The following RAD51B variants were observed in gnomAD, a reference collection of about 807,000 sequenced individuals.
The protein encoded by RAD51B is DNA repair protein RAD51 homolog 2.
RAD51B carries 38 observed loss-of-function variants against 42.2 expected under a neutral mutation model. The observed-to-expected ratio is 0.90, with a 90% CI of 0.70 to 1.18. The LOEUF (loss-of-function observed/expected upper bound fraction) is 1.18. Among genes scored for constraint, RAD51B ranks in the 50% most tolerant of loss-of-function variants. The pLI, the probability that RAD51B is intolerant of heterozygous loss-of-function variation, is 0.00. For missense variants in RAD51B, 373 were observed against 400.7 expected, an observed-to-expected ratio of 0.93 and a Z score of 0.59; for synonymous variants, 154 against 145.2, an observed-to-expected ratio of 1.06 and a Z score of -0.43.
In RAD51B at chr14:68,197,315, C is replaced by T. The variant is rs138558038; in HGVS notation, c.757-94569C>T. 6.9e-3 allele frequency among the ~76,000 whole-genome samples: 1,049 copies of T among 152,224 alleles called. 3 individuals are homozygous for T. The highest frequency in any genetic ancestry group is 0.011 in the Non-Finnish European group (726 of 67,986). ...GCACTGATATCTGGCTTCTTTCAGACGGCCTTTCTTTTTAGATTTATCCAT... is the reference window on the plus strand; with the variant it reads ...GCACTGATATCTGGCTTCTTTCAGATGGCCTTTCTTTTTAGATTTATCCAT... On this transcript the variant is annotated intron_variant, in intron 7 of 10. Transcript: ENST00000471583.
intron 4 of RAD51B, among the ~76,000 whole-genome samples, chr14:67,846,302 T>A (rs567099289): frequency 6.6e-6 from 1 of 152,096 alleles, no homozygotes; most frequent in Non-Finnish European, 1.5e-5. Context: ...GGTGGCAGTG[T>A]GGGGGGTGGC....
At chr14:67,865,398 G>A (rs1763086764) in intron 5 of RAD51B, among the ~76,000 whole-genome samples, 1 of 151,234 alleles carries the variant, frequency 6.6e-6, no homozygotes, top group Non-Finnish European at 1.5e-5. Context: ...CACCACACCT[G>A]GCTAATTATT....
downstream of RAD51B, among the ~76,000 whole-genome samples, chr14:68,481,898 A>G (rs1347365565): frequency 1.3e-5 from 2 of 152,162 alleles, no homozygotes; most frequent in Non-Finnish European, 2.9e-5. Flanking sequence ...TTGATCTTCT[A>G]CTCTGAGCAG....
At chr14:68,508,128 T>C (rs938000197) in intron 10 of RAD51B, among the ~76,000 whole-genome samples, 1 of 152,168 alleles carries the variant, frequency 6.6e-6, no homozygotes, top group South Asian at 2.1e-4. Flanking sequence ...AAGATGCTGA[T>C]GGGGTCATTT....
At chr14:68,170,396 G>A (rs1417611783) in intron 7 of RAD51B, among the ~76,000 whole-genome samples, 4 of 152,192 alleles carry the variant, frequency 2.6e-5, no homozygotes, top group African/African-American at 4.8e-5. Flanking sequence ...AGGAGAGAAT[G>A]AAAGATTGGG....
At chr14:68,073,090 C>T (rs72725185) in intron 7 of RAD51B, among the ~76,000 whole-genome samples, 25,517 of 152,030 alleles carry the variant, frequency 0.17, 2,326 homozygotes, top group Middle Eastern at 0.34. Context: ...TATTCTGCCT[C>T]GATGGTTTGT....
intron 9 of RAD51B, among the ~76,000 whole-genome samples, chr14:68,432,031 G>A (rs1404733538): frequency 1.3e-5 from 2 of 152,180 alleles, no homozygotes; most frequent in East Asian, 1.9e-4. Flanking sequence ...TCAGCAGCAG[G>A]TTGTTCAGTT....
intron 7 of RAD51B, among the ~76,000 whole-genome samples, chr14:68,017,908 T>C (rs1380615029): frequency 2.6e-5 from 4 of 151,930 alleles, no homozygotes; most frequent in Non-Finnish European, 5.9e-5. Flanking sequence ...GAGGCGGAGA[T>C]TGCAGTGAGC....
intron 7 of RAD51B, among the ~76,000 whole-genome samples, chr14:67,949,485 A>C (rs2074402491): frequency 6.6e-6 from 1 of 152,140 alleles, no homozygotes; most frequent in African/African-American, 2.4e-5. Flanking sequence ...TTCTAATTTG[A>C]GTTCTCTTGC....
intron 9 of RAD51B, among the ~76,000 whole-genome samples, chr14:68,463,142 C>T (rs1266819727): frequency 6.6e-6 from 1 of 152,130 alleles, no homozygotes; most frequent in African/African-American, 2.4e-5. Context: ...ACATCTGAAC[C>T]AGCACAGCCT....
intron 7 of RAD51B, among the ~76,000 whole-genome samples, chr14:68,206,943 A>G (rs1159506522): frequency 6.6e-6 from 1 of 151,848 alleles, no homozygotes; most frequent in Non-Finnish European, 1.5e-5. Context: ...GCGCCCGCCA[A>G]CGCGCCCGGC....
chr14:67,823,304 T>G (rs1465751390), intron 1 of RAD51B, among the ~76,000 whole-genome samples: 1 of 152,234 alleles, frequency 6.6e-6, no homozygotes, highest in Non-Finnish European at 1.5e-5. Context: ...ATATTTGAGG[T>G]TGCCTTGTAG....
intron 10 of RAD51B, among the ~76,000 whole-genome samples, chr14:68,643,012 A>G (rs1036116614): frequency 1.0e-5 from 1 of 96,958 alleles, no homozygotes; most frequent in Non-Finnish European, 2.4e-5. Context: ...TTCATGGCCC[A>G]TGGTCTGTCT....
At chr14:68,571,955 A>C (rs779481489) in intron 10 of RAD51B, among the ~76,000 whole-genome samples, 2 of 152,184 alleles carry the variant, frequency 1.3e-5, no homozygotes, top group African/African-American at 2.4e-5. Flanking sequence ...CAGAAAGTGG[A>C]CATCGATTTT....
At chr14:68,227,311 C>T (rs1001142076) in intron 7 of RAD51B, among the ~76,000 whole-genome samples, 2 of 152,176 alleles carry the variant, frequency 1.3e-5, no homozygotes, top group Non-Finnish European at 2.9e-5. Flanking sequence ...TTCCAACTCC[C>T]ACAACTGCAC....
chr14:68,273,866 A>G (rs1301335314), intron 7 of RAD51B, among the ~76,000 whole-genome samples: 2 of 152,056 alleles, frequency 1.3e-5, no homozygotes, highest in Non-Finnish European at 2.9e-5. Flanking sequence ...TTTATATAAA[A>G]TTTTTTAGCT....
At chr14:67,966,982 T>C (rs1436259736) in intron 7 of RAD51B, among the ~76,000 whole-genome samples, 1 of 152,150 alleles carries the variant, frequency 6.6e-6, no homozygotes, top group Non-Finnish European at 1.5e-5. Context: ...GATAAAGACA[T>C]ACCCGAGACT....
At chr14:68,113,584 A>G (rs543627799) in intron 7 of RAD51B, 1 of 151,430 alleles carries the variant, frequency 6.6e-6, no homozygotes, top group Non-Finnish European at 1.5e-5. Context: ...CAACATATTC[A>G]TATGATCTGT....
intron 7 of RAD51B, among the ~76,000 whole-genome samples, chr14:67,956,606 T>C (rs955992170): frequency 3.9e-5 from 6 of 152,212 alleles, no homozygotes; most frequent in Non-Finnish European, 8.8e-5. Context: ...TAAGAGACAT[T>C]TCACGTAGGA....
Sources: allele counts gnomAD v4.1 joint callset (sites outside exome capture counted in the v4.1 genomes callset), GRCh38; gene constraint gnomAD v4.1.1; transcripts MANE v1.5; gene names NCBI Gene and HGNC (gene_info 2026-07-23, HGNC 2026-07-21).